The following CNTN5 variants were observed in gnomAD, a reference collection of about 807,000 sequenced individuals.
CNTN5 encodes the protein contactin-5.
A neutral mutation model predicts 129.1 loss-of-function variants in CNTN5; 77 were observed. The ratio of observed to expected loss-of-function variants is 0.60; its 90% CI spans 0.50 to 0.72. The LOEUF (loss-of-function observed/expected upper bound fraction) is 0.72, where lower values mean the gene tolerates loss of function less well. CNTN5 is among the 30% of genes least tolerant of loss of function. The pLI, the probability that CNTN5 is intolerant of heterozygous loss-of-function variation, is 0.00. For missense variants in CNTN5, 1,478 were observed against 1,328.8 expected (o/e 1.11, Z -1.75); for synonymous variants, 509 against 465.6 (o/e 1.09, Z -1.20).
At chr11:99,536,397 T>G (rs1947900729) in intron 2 of CNTN5, among the ~76,000 whole-genome samples, 1 of 152,088 alleles carries the variant, frequency 6.6e-6, no homozygotes, top group Non-Finnish European at 1.5e-5. Flanking sequence ...GTTCTGGAGA[T>G]GTAAAAATGT....
intron 2 of CNTN5, among the ~76,000 whole-genome samples, chr11:99,465,726 T>C (rs1944905401): frequency 6.6e-6 from 1 of 152,004 alleles, no homozygotes; most frequent in African/African-American, 2.4e-5. Context: ...AGAGGTTTAG[T>C]TGGCTTATGG....
At chr11:100,331,412 G>T (rs1284635456) in intron 21 of CNTN5, among the ~76,000 whole-genome samples, 1 of 152,004 alleles carries the variant, frequency 6.6e-6, no homozygotes, top group Non-Finnish European at 1.5e-5. Context: ...CACTGACAGT[G>T]CTAGATAGGT....
chr11:99,450,284 A>G (rs1288235998), intron 2 of CNTN5, among the ~76,000 whole-genome samples: 1 of 145,166 alleles, frequency 6.9e-6, no homozygotes, highest in Non-Finnish European at 1.5e-5. Context: ...ATATATATAT[A>G]TGTTTGTGTA....
At chr11:100,077,847 T>G (rs1040231232) in intron 13 of CNTN5, among the ~76,000 whole-genome samples, 2 of 151,568 alleles carry the variant, frequency 1.3e-5, no homozygotes, top group Non-Finnish European at 2.9e-5. Flanking sequence ...AAAAATATAA[T>G]AAAATAAGAT....
At chr11:99,687,454 T>A (rs938497208) in intron 3 of CNTN5, among the ~76,000 whole-genome samples, 1 of 152,182 alleles carries the variant, frequency 6.6e-6, no homozygotes, top group African/African-American at 2.4e-5. Flanking sequence ...ATTTTCTAGA[T>A]AGTTAATTTG....
intron 1 of CNTN5, among the ~76,000 whole-genome samples, chr11:99,140,205 C>A (rs1195881613): frequency 6.6e-6 from 1 of 151,882 alleles, no homozygotes; most frequent in Non-Finnish European, 1.5e-5. Flanking sequence ...AGTGTAATAT[C>A]TTTTTAAAAA....
At position 100,061,263 on chromosome 11, in the gene CNTN5, G is replaced by C. The variant is rs201683115; in HGVS notation, c.1032G>C (p.Lys344Asn). 9 of 1,613,502 alleles carry C rather than the reference G, an allele frequency of 5.6e-6. No individual in the cohort carries two copies. Among genetic ancestry groups the C allele is most frequent in the African/African-American group, 2.7e-5 (2 of 74,918 alleles). ...WMKVNGYIPSKARLRKSQAVL... is the reference protein window; with the variant it reads ...WMKVNGYIPSNARLRKSQAVL... ...AGGTTAATGGTTATATTCCTAGTAA[G>C]GCACGTCTGCGGAAATCTCAGGCGG... The change falls in exon 10 of 25, where the codon AAG becomes AAC. Residue 344 changes from lysine to asparagine, a missense_variant. Lys to Asn is a moderately conservative substitution (Grantham distance 94). Coordinates refer to ENST00000524871, the MANE Select transcript of CNTN5 (RefSeq NM_014361.4).
chr11:99,690,927 T>G (rs188194960), intron 3 of CNTN5, among the ~76,000 whole-genome samples: 155 of 152,226 alleles, frequency 1.0e-3, no homozygotes, highest in African/African-American at 3.5e-3. Context: ...ATTACCACCT[T>G]AATTTCAGAA....
chr11:99,048,103 A>T (rs1864287449), intron 1 of CNTN5, among the ~76,000 whole-genome samples: 1 of 152,082 alleles, frequency 6.6e-6, no homozygotes, highest in African/African-American at 2.4e-5. Flanking sequence ...ATGGCATCCT[A>T]TTTAAAGCAT....
chr11:99,265,147 C>A (rs1862828826), intron 1 of CNTN5, among the ~76,000 whole-genome samples: 1 of 151,748 alleles, frequency 6.6e-6, no homozygotes, highest in African/African-American at 2.4e-5. Flanking sequence ...AAAATAGTAA[C>A]TTGAAAAGGA....
At chr11:100,133,426 AC>A (rs1946433575) in intron 13 of CNTN5, among the ~76,000 whole-genome samples, 1 of 152,114 alleles carries the variant, frequency 6.6e-6, no homozygotes, top group African/African-American at 2.4e-5. Context: ...ATAGCTTCTC[AC>A]TGAGATTCTG....
chr11:99,837,708 A>G (rs1417719481), intron 4 of CNTN5, among the ~76,000 whole-genome samples: 1 of 150,350 alleles, frequency 6.7e-6, no homozygotes, highest in Admixed American at 6.7e-5. Context: ...AAAAAAACCT[A>G]TCAAATATCA....
chr11:100,112,482 A>G (rs1232250339), intron 13 of CNTN5, among the ~76,000 whole-genome samples: 1 of 152,182 alleles, frequency 6.6e-6, no homozygotes, highest in Non-Finnish European at 1.5e-5. Flanking sequence ...CCGAAAATGT[A>G]ACATATATCC....
At chr11:99,819,313 TCCTCCCCTCC>T (rs1565566894) in intron 3 of CNTN5, among the ~76,000 whole-genome samples, 504 of 17,800 alleles carry the variant, frequency 0.028, no homozygotes, top group Middle Eastern at 0.12. Context: ...CCCTCCCCTC[TCCTCCCCTCC>T]CCTCCCCTCC....
Position 99,382,844 on chromosome 11 carries a change from A to ATTTTT in CNTN5, c.-71+57360_-71+57361insTTTTT, listed in dbSNP as rs774797660. On this transcript the variant is annotated intron_variant, in intron 2 of 24. Coordinates refer to ENST00000524871, the MANE Select transcript of CNTN5 (RefSeq NM_014361.4). ...CACATCTCACTAGTGTCTCTAAATA[A>ATTTTT]CTTTTTTTTTTTTTTTTTTTTTTTT... Among the ~76,000 whole-genome samples, 54 of 69,414 alleles carry ATTTTT rather than the reference A, an allele frequency of 7.8e-4. 7 individuals carry two copies. Among genetic ancestry groups the ATTTTT allele is most frequent in the South Asian group, 1.3e-3 (2 of 1,532 alleles). The allele number at this position is 69,414 out of a possible 152,430, so 45.5% of individuals were successfully genotyped here. A position where few individuals can be genotyped will look rare whatever the true frequency, so the allele number is the denominator to read the frequency against.
chr11:99,023,286 A>G (rs1862967668), intron 1 of CNTN5, among the ~76,000 whole-genome samples: 1 of 152,228 alleles, frequency 6.6e-6, no homozygotes, highest in African/African-American at 2.4e-5. Context: ...TGTCCAATTA[A>G]GTAGCGCTAT....
intron 13 of CNTN5, among the ~76,000 whole-genome samples, chr11:100,136,236 T>A: frequency 7.3e-6 from 1 of 136,546 alleles, no homozygotes; most frequent in East Asian, 2.2e-4. Context: ...TCCTTGAATA[T>A]GGTATTCAAG....
At chr11:99,855,710 T>C (rs1002962892) in intron 6 of CNTN5, among the ~76,000 whole-genome samples, 1 of 152,174 alleles carries the variant, frequency 6.6e-6, no homozygotes, top group Non-Finnish European at 1.5e-5. Context: ...CAGGGAAATA[T>C]TCTGCCATAT....
intron 3 of CNTN5, among the ~76,000 whole-genome samples, chr11:99,787,862 G>T (rs1945591694): frequency 6.6e-6 from 1 of 151,724 alleles, no homozygotes; most frequent in South Asian, 2.1e-4. Context: ...TTATACCATT[G>T]CCAAAACATG....
Sources: gnomAD v4.1 joint callset for allele counts (sites outside exome capture counted in the v4.1 genomes callset) on GRCh38, gnomAD v4.1.1 for gene constraint, MANE v1.5 for transcripts, NCBI Gene and HGNC (gene_info 2026-07-23, HGNC 2026-07-21) for gene names.